Variants in PRKCB observed in about 807,000 individuals in gnomAD.
PRKCB encodes protein kinase C beta.
In PRKCB, 13 loss-of-function variants were observed where a neutral mutation model predicts 81.5. The ratio of observed to expected loss-of-function variants is 0.16; its 90% CI spans 0.10 to 0.25. The LOEUF is 0.25. PRKCB is among the 10% of genes least tolerant of loss of function. The pLI, the probability that PRKCB is intolerant of heterozygous loss-of-function variation, is 1.00. For synonymous variants in PRKCB, 335 were observed against 321.4 expected (o/e 1.04, Z -0.45); for missense variants, 509 against 875.7 (o/e 0.58, Z 5.29).
In PRKCB at chr16:24,115,584, G is replaced by A. The variant is rs899275852; in HGVS notation, c.918+2515G>A. The stretch of plus-strand genomic sequence containing the variant: ...ATCCCGATGATTTTAGCATTTATCC[G>A]AAGAGTATTTATCCCAAGGATAGCA... On this transcript the variant is annotated intron_variant, in intron 8 of 16. Coordinates refer to ENST00000643927, the MANE Select transcript of PRKCB (RefSeq NM_002738.7). Among the ~76,000 whole-genome samples the A allele has an allele frequency of 8.0e-5, 12 of 150,766 alleles. 1 individual carries two copies. Among genetic ancestry groups the A allele is most frequent in the South Asian group, 2.1e-4 (1 of 4,746 alleles).
Position 24,216,436 on chromosome 16 carries a change from T to A in PRKCB, c.*1620T>A. On this transcript the variant is annotated 3_prime_UTR_variant, in exon 17 of 17. Coordinates refer to ENST00000643927, the MANE Select transcript of PRKCB (RefSeq NM_002738.7). ...GATTAAGGCAGCAGGTGACTCCCCC[T>A]CCTCGCCTGCCGTGTCCTGCTATTC... 1 of 985,468 alleles carries A rather than the reference T, an allele frequency of 1.0e-6. No individual in the cohort carries two copies. Among genetic ancestry groups the A allele is most frequent in the Non-Finnish European group, 1.2e-6 (1 of 829,936 alleles). The allele number at this position is 985,468 out of a possible 1,614,324, so 61.0% of individuals were successfully genotyped here.
At chr16:24,186,109 G>T (rs535766806) in intron 15 of PRKCB, among the ~76,000 whole-genome samples, 1 of 152,174 alleles carries the variant, frequency 6.6e-6, no homozygotes, top group African/African-American at 2.4e-5. Flanking sequence ...GGCTAAAAGG[G>T]CATGCACGCT....
chr16:24,017,738 G>A (rs1329473390), intron 3 of PRKCB, among the ~76,000 whole-genome samples: 1 of 151,942 alleles, frequency 6.6e-6, no homozygotes, highest in African/African-American at 2.4e-5. Flanking sequence ...TTTTTTGTTT[G>A]TTTGTTTTGG....
At chr16:23,905,958 C>T (rs1231475100) in intron 2 of PRKCB, among the ~76,000 whole-genome samples, 1 of 152,202 alleles carries the variant, frequency 6.6e-6, no homozygotes, top group East Asian at 1.9e-4. Context: ...AACCAGTCCC[C>T]TGATGATCGA....
intron 16 of PRKCB, among the ~76,000 whole-genome samples, chr16:24,203,963 C>G (rs1025983282): frequency 1.3e-5 from 2 of 152,002 alleles, no homozygotes; most frequent in African/African-American, 4.8e-5. Context: ...GGTTTCTGTT[C>G]TATGTCTAAA....
At chr16:24,016,509 C>A (rs1184722637) in intron 3 of PRKCB, among the ~76,000 whole-genome samples, 1 of 151,982 alleles carries the variant, frequency 6.6e-6, no homozygotes, top group Non-Finnish European at 1.5e-5. Flanking sequence ...TAATCAAATA[C>A]CCTTTGCCAA....
chr16:24,219,633 C>T lies in PRKCB; in HGVS notation c.*4817C>T. On this transcript the variant is annotated 3_prime_UTR_variant, in exon 17 of 17. Coordinates refer to ENST00000643927, the MANE Select transcript of PRKCB (RefSeq NM_002738.7). Reference sequence around the variant, plus strand: ...TAAGTAGCTTCCAATTCAATTCATCCTAAAGCCAAAGAAAATACAGCAACA... The same window carrying T: ...TAAGTAGCTTCCAATTCAATTCATCTTAAAGCCAAAGAAAATACAGCAACA... 1 of 1,063,896 alleles carries T rather than the reference C, an allele frequency of 9.4e-7. No homozygotes were observed. The highest frequency in any genetic ancestry group is 1.7e-5 in the African/African-American group (1 of 58,750). 65.9% of individuals were successfully genotyped at this position (1,063,896 alleles called of 1,614,324 possible).
At chr16:23,979,252 G>A (rs537435021) in intron 2 of PRKCB, among the ~76,000 whole-genome samples, 2 of 152,262 alleles carry the variant, frequency 1.3e-5, no homozygotes, top group South Asian at 2.1e-4. Flanking sequence ...AGTGGCACAC[G>A]GTGTAGAATC....
intron 2 of PRKCB, among the ~76,000 whole-genome samples, chr16:23,909,105 A>G (rs761127616): frequency 4.6e-5 from 7 of 152,222 alleles, no homozygotes; most frequent in African/African-American, 1.7e-4. Context: ...TGCAAACCTG[A>G]TATCACTTGC....
At chr16:23,961,124 G>A (rs537846329) in intron 2 of PRKCB, among the ~76,000 whole-genome samples, 1 of 151,864 alleles carries the variant, frequency 6.6e-6, no homozygotes, top group Non-Finnish European at 1.5e-5. Context: ...GCGCAGACTG[G>A]CCTTGGAATC....
At chr16:24,150,284 T>C (rs894637673) in intron 9 of PRKCB, among the ~76,000 whole-genome samples, 1 of 152,144 alleles carries the variant, frequency 6.6e-6, no homozygotes, top group African/African-American at 2.4e-5. Context: ...ATCATGCCAC[T>C]GCACCCCAGC....
At chr16:24,135,818 G>A (rs2141939314) in intron 9 of PRKCB, among the ~76,000 whole-genome samples, 1 of 152,242 alleles carries the variant, frequency 6.6e-6, no homozygotes, top group East Asian at 1.9e-4. Flanking sequence ...CATTAGATGT[G>A]GTTATATAAT....
chr16:23,859,788 C>T (rs1962631750), intron 2 of PRKCB, among the ~76,000 whole-genome samples: 8 of 151,784 alleles, frequency 5.3e-5, no homozygotes, highest in Admixed American at 5.3e-4. Context: ...AGGCAGGAAA[C>T]TTTAAAAGCA....
intron 12 of PRKCB, among the ~76,000 whole-genome samples, chr16:24,178,896 TG>T (rs1308116848): frequency 3.1e-4 from 47 of 152,204 alleles, no homozygotes; most frequent in Non-Finnish European, 4.0e-4. Context: ...AGGCATTTAT[TG>T]GTGACATAAC....
At chr16:24,109,988 C>G (rs865817369) in intron 7 of PRKCB, among the ~76,000 whole-genome samples, 36 of 133,632 alleles carry the variant, frequency 2.7e-4, no homozygotes, top group African/African-American at 8.7e-4. Flanking sequence ...CGCAGGCACT[C>G]GGCAGGCTGA....
chr16:24,084,162 C>T (rs1966285911), intron 5 of PRKCB, among the ~76,000 whole-genome samples: 1 of 151,992 alleles, frequency 6.6e-6, no homozygotes. Context: ...TAAATATAAC[C>T]ACTAAATAAA....
At chr16:24,137,111 AC>A (rs1966867679) in intron 9 of PRKCB, among the ~76,000 whole-genome samples, 1 of 149,838 alleles carries the variant, frequency 6.7e-6, no homozygotes, top group Admixed American at 6.7e-5. Flanking sequence ...CTAGTCTTGA[AC>A]TCCTGACCTC....
chr16:24,187,037 C>T (rs112258611), intron 15 of PRKCB, among the ~76,000 whole-genome samples: 2,150 of 152,170 alleles, frequency 0.014, 35 homozygotes, highest in African/African-American at 0.046. Flanking sequence ...CGAAGGCCTC[C>T]ACAGGCCCCC....
chr16:23,974,957 G>A (rs1362897857), intron 2 of PRKCB, among the ~76,000 whole-genome samples: 1 of 152,142 alleles, frequency 6.6e-6, no homozygotes, highest in African/African-American at 2.4e-5. Context: ...ATGTTGTGAG[G>A]TTCAGTCATG....
Sources: gnomAD v4.1 joint callset for allele counts (sites outside exome capture counted in the v4.1 genomes callset) on GRCh38, gnomAD v4.1.1 for gene constraint, MANE v1.5 for transcripts, NCBI Gene and HGNC (gene_info 2026-07-23, HGNC 2026-07-21) for gene names.